ADGRL3: variants seen among roughly 807,000 people sequenced by gnomAD.
ADGRL3 encodes adhesion G protein-coupled receptor L3.
In ADGRL3, 62 loss-of-function variants were observed where a neutral mutation model predicts 153.5. The ratio of observed to expected loss-of-function variants is 0.40; its 90% CI spans 0.33 to 0.50. The LOEUF (loss-of-function observed/expected upper bound fraction) is 0.50, where lower values mean the gene tolerates loss of function less well. ADGRL3 is among the 20% of genes least tolerant of loss of function. The probability of loss-of-function intolerance (pLI) is 0.47; values close to 1 mark genes in which losing one functional copy is unlikely to be tolerated. For missense variants in ADGRL3, 1,641 were observed against 1,859.4 expected, an observed-to-expected ratio of 0.88 and a Z score of 2.16; for synonymous variants, 710 against 672.5, an observed-to-expected ratio of 1.06 and a Z score of -0.86.
At chr4:61,754,054 A>T (rs951575025) in intron 8 of ADGRL3, among the ~76,000 whole-genome samples, 16 of 152,174 alleles carry the variant, frequency 1.1e-4, no homozygotes, top group Admixed American at 1.0e-3. Flanking sequence ...TTCACATGTA[A>T]GGCTGAGAAT....
At chr4:61,473,302 G>A (rs1030026757) in intron 2 of ADGRL3, among the ~76,000 whole-genome samples, 4 of 151,508 alleles carry the variant, frequency 2.6e-5, no homozygotes, top group Non-Finnish European at 4.4e-5. Context: ...AGAGATTAGA[G>A]GTTTTTAAAA....
chr4:61,336,306 T>C (rs970549104), intron 1 of ADGRL3, among the ~76,000 whole-genome samples: 1 of 152,142 alleles, frequency 6.6e-6, no homozygotes, highest in Non-Finnish European at 1.5e-5. Flanking sequence ...GGTGGCTGTT[T>C]TCCTTTTTCA....
At chr4:61,387,433 A>C (rs2096750859) in intron 2 of ADGRL3, among the ~76,000 whole-genome samples, 1 of 152,214 alleles carries the variant, frequency 6.6e-6, no homozygotes, top group African/African-American at 2.4e-5. Flanking sequence ...TCTTCATAAT[A>C]AACCTGGGAT....
chr4:61,788,644 A>G (rs2097305033), intron 8 of ADGRL3, among the ~76,000 whole-genome samples: 1 of 152,172 alleles, frequency 6.6e-6, no homozygotes, highest in Non-Finnish European at 1.5e-5. Flanking sequence ...ACACCCCCAA[A>G]AGATCAAAAA....
At chr4:61,534,696 T>G (rs1026001733) in intron 4 of ADGRL3, among the ~76,000 whole-genome samples, 4 of 152,080 alleles carry the variant, frequency 2.6e-5, no homozygotes, top group Admixed American at 2.0e-4. Context: ...TATTTTTGTG[T>G]GTGGATATTT....
intron 5 of ADGRL3, among the ~76,000 whole-genome samples, chr4:61,602,603 A>G (rs909733682): frequency 6.6e-6 from 1 of 152,162 alleles, no homozygotes; most frequent in African/African-American, 2.4e-5. Context: ...CTTTGAGCTA[A>G]GATTAGTTTC....
At chr4:62,025,375 T>C (rs889568384) in intron 21 of ADGRL3, among the ~76,000 whole-genome samples, 1 of 152,174 alleles carries the variant, frequency 6.6e-6, no homozygotes, top group Admixed American at 6.5e-5. Context: ...AAAAGTTGTT[T>C]CTTCTTTCTA....
intron 4 of ADGRL3, among the ~76,000 whole-genome samples, chr4:61,552,374 A>G (rs2098744228): frequency 6.6e-6 from 1 of 152,186 alleles, no homozygotes; most frequent in Non-Finnish European, 1.5e-5. Context: ...ACCAAACTAT[A>G]TCACTGGGTG....
rs1456223707 is a variant in ADGRL3, at chr4:61,632,377, T to A, written c.474-44449T>A. On this transcript the variant is annotated intron_variant, in intron 5 of 26. Coordinates refer to ENST00000683033, the MANE Select transcript of ADGRL3 (RefSeq NM_001387552.1). ...GTGAGTACTAGCTTGTTCTTTTAAG[T>A]TAATGAAAGAAAGCAATAGTCATCA... is the stretch of plus-strand genomic sequence containing the variant. Among the ~76,000 whole-genome samples the A allele has an allele frequency of 5.3e-5, 8 of 152,196 alleles. No homozygotes were observed. The East Asian group carries it at 1.5e-3, about 29-fold the overall frequency.
chr4:61,500,475 G>C (rs888819174), intron 3 of ADGRL3, among the ~76,000 whole-genome samples: 14 of 152,136 alleles, frequency 9.2e-5, no homozygotes, highest in Non-Finnish European at 4.4e-5. Context: ...GGAATTTTTA[G>C]AGTCCCTATC....
rs565049057 is a variant in ADGRL3 at position 61,303,339 on chromosome 4, G to A, written c.-239-79785G>A. On this transcript the variant is annotated intron_variant, in intron 1 of 26. Transcript: ENST00000683033. ...GTAAATTGGGAATAATAACCTTATA[G>A]GTTGTAAAGATTGATGACTTAGTGC... is the stretch of plus-strand genomic sequence containing the variant. 2.6e-5 allele frequency among the ~76,000 whole-genome samples: 4 copies of A among 152,216 alleles called. No individual in the cohort carries two copies. The South Asian group carries it at 8.3e-4, about 32-fold the overall frequency.
chr4:61,319,353 C>T (rs898747018), intron 1 of ADGRL3, among the ~76,000 whole-genome samples: 7 of 152,030 alleles, frequency 4.6e-5, no homozygotes, highest in African/African-American at 1.7e-4. Context: ...TACTTTCTGC[C>T]CCATATGCCC....
intron 1 of ADGRL3, among the ~76,000 whole-genome samples, chr4:61,327,357 G>A (rs182871088): frequency 6.7e-6 from 1 of 150,000 alleles, no homozygotes; most frequent in Admixed American, 6.7e-5. Context: ...GCTGGCTAGG[G>A]TACATAGAGA....
intron 5 of ADGRL3, among the ~76,000 whole-genome samples, chr4:61,614,963 T>G (rs1413552555): frequency 6.6e-6 from 1 of 152,094 alleles, no homozygotes; most frequent in East Asian, 1.9e-4. Context: ...TTAAAAGAAA[T>G]AAGTATAGGA....
At chr4:61,530,719 G>A (rs1028946558) in intron 4 of ADGRL3, among the ~76,000 whole-genome samples, 3 of 152,258 alleles carry the variant, frequency 2.0e-5, no homozygotes, top group Non-Finnish European at 4.4e-5. Flanking sequence ...AGATTTGATA[G>A]GTGATTAAGT....
At position 62,070,529 on chromosome 4, in the gene ADGRL3, A is replaced by C. The variant is rs1015778182; in HGVS notation, c.4253A>C (p.His1418Pro). 7.7e-6 allele frequency: 12 copies of C among 1,550,992 alleles called. No individual in the cohort carries two copies. In the African/African-American group the frequency reaches 1.1e-4, roughly 14 times the overall value. ...VYSTENHQPH[H>P]YTRRRIPQDH... ...TCCACCGAGAACCACCAGCCACACCATTATACCAGAAGGCGGATCCCCCAA... is the reference window on the plus strand; with the variant it reads ...TCCACCGAGAACCACCAGCCACACCCTTATACCAGAAGGCGGATCCCCCAA... The change falls in exon 27 of 27, where the codon CAT (histidine) becomes CCT (proline). Residue 1418 changes from histidine to proline, a missense_variant. His to Pro is a moderately conservative substitution (Grantham distance 77, BLOSUM62 -2). This residue lies in a region of ADGRL3 where 517 missense variants were observed against 555.0 expected (regional missense o/e 0.93). Transcript: ENST00000683033.
At chr4:61,651,904 C>T (rs1281794208) in intron 5 of ADGRL3, among the ~76,000 whole-genome samples, 2 of 151,336 alleles carry the variant, frequency 1.3e-5, no homozygotes, top group South Asian at 2.1e-4. Context: ...AGGGAGCCAC[C>T]GAACCTGGCC....
At chr4:61,220,064 C>T (rs1404937850) in intron 1 of ADGRL3, among the ~76,000 whole-genome samples, 1 of 147,512 alleles carries the variant, frequency 6.8e-6, no homozygotes, top group Non-Finnish European at 1.5e-5. Flanking sequence ...GCTGAGATTG[C>T]GTGCGCCATT....
rs548720611 is a variant in ADGRL3, at chr4:61,936,414, T to A, written c.2419+369T>A. Among the ~76,000 whole-genome samples, 30 of 152,262 alleles carry A rather than the reference T, an allele frequency of 2.0e-4. No individual in the cohort carries two copies. The South Asian group carries it at 2.9e-3, about 15-fold the overall frequency. ...TTTTTAATGTAAATTTTACTTGTAA[T>A]TAAAAAAATATTTTTTGGTTATTCA... is the stretch of plus-strand genomic sequence containing the variant. On this transcript the variant is annotated intron_variant, in intron 15 of 26. Coordinates refer to ENST00000683033, the MANE Select transcript of ADGRL3 (RefSeq NM_001387552.1).
Sources: gnomAD v4.1 joint callset for allele counts (sites outside exome capture counted in the v4.1 genomes callset) on GRCh38, gnomAD v4.1.1 for gene constraint, gnomAD v4.1.1 regional missense constraint, MANE v1.5 for transcripts, NCBI Gene and HGNC (gene_info 2026-07-23, HGNC 2026-07-21) for gene names.